Variants in MAML3 observed in about 807,000 individuals in gnomAD.
MAML3 encodes the protein mastermind like transcriptional coactivator 3.
MAML3 carries 27 observed loss-of-function variants against 101.9 expected under a neutral mutation model. The observed-to-expected ratio is 0.27, with a 90% CI of 0.20 to 0.37. The LOEUF is 0.37. MAML3 is among the 10% of genes least tolerant of loss of function. The pLI is 1.00. For synonymous variants in MAML3, 501 were observed against 555.9 expected, an observed-to-expected ratio of 0.90 and a Z score of 1.39; for missense variants, 1,316 against 1,444.9, an observed-to-expected ratio of 0.91 and a Z score of 1.45.
intron 2 of MAML3, chr4:139,888,642 A>G (rs766559208): frequency 1.9e-6 from 1 of 518,838 alleles, no homozygotes; most frequent in South Asian, 1.4e-5. Context: ...CCTCCCATGA[A>G]GGAGGACAGT....
intron 2 of MAML3, among the ~76,000 whole-genome samples, chr4:139,837,340 C>CA (rs1013975666): frequency 3.1e-4 from 46 of 150,732 alleles, no homozygotes; most frequent in African/African-American, 1.1e-3. Flanking sequence ...ACTAAAAATA[C>CA]AAAAAAAATT....
At chr4:139,962,231 A>G (rs1452344549) in intron 1 of MAML3, among the ~76,000 whole-genome samples, 6 of 152,152 alleles carry the variant, frequency 3.9e-5, no homozygotes, top group Non-Finnish European at 5.9e-5. Context: ...TCAACTCATC[A>G]TATCAGTGGG....
At chr4:140,146,262 T>C (rs534403638) in intron 1 of MAML3, among the ~76,000 whole-genome samples, 44 of 152,314 alleles carry the variant, frequency 2.9e-4, no homozygotes, top group Middle Eastern at 3.4e-3. Context: ...CATGCGTGCA[T>C]GCGGCCCTCA....
chr4:140,035,252 G>A (rs1369724908), intron 1 of MAML3, among the ~76,000 whole-genome samples: 6 of 152,128 alleles, frequency 3.9e-5, no homozygotes, highest in Non-Finnish European at 5.9e-5. Flanking sequence ...GGGATTAGAA[G>A]TATGAGCCAC....
In MAML3 at chr4:139,952,152, C is replaced by T. The variant is rs145518756; in HGVS notation, c.469-61185G>A. 2.4e-4 allele frequency among the ~76,000 whole-genome samples: 37 copies of T among 151,966 alleles called. No homozygotes were observed. In the East Asian group the frequency reaches 6.8e-3, roughly 28 times the overall value. Reference sequence around the variant, plus strand: ...TGCACTCCAGCCTAAGGGACAAAAGCGAAACTCCATCTCAAAAGACAAACA... The same window carrying T: ...TGCACTCCAGCCTAAGGGACAAAAGTGAAACTCCATCTCAAAAGACAAACA... On this transcript the variant is annotated intron_variant, in intron 1 of 4. Coordinates refer to ENST00000509479, the MANE Select transcript of MAML3 (RefSeq NM_018717.5).
chr4:139,828,674 G>A, intron 2 of MAML3, among the ~76,000 whole-genome samples: 1 of 148,086 alleles, frequency 6.8e-6, no homozygotes, highest in Admixed American at 6.7e-5. Flanking sequence ...GACGAAGGTT[G>A]AAAATGGGCA....
chr4:140,087,126 T>C (rs1727966399), intron 1 of MAML3, among the ~76,000 whole-genome samples: 1 of 152,180 alleles, frequency 6.6e-6, no homozygotes, highest in African/African-American at 2.4e-5. Flanking sequence ...TGCCATTGCA[T>C]TCCAGCTTGG....
chr4:140,105,859 T>C (rs528228415), intron 1 of MAML3, among the ~76,000 whole-genome samples: 34 of 152,062 alleles, frequency 2.2e-4, no homozygotes, highest in African/African-American at 8.2e-4. Flanking sequence ...CCTGATGAAA[T>C]AACTAGGAGA....
intron 2 of MAML3, among the ~76,000 whole-genome samples, chr4:139,814,077 G>C (rs1270639733): frequency 1.4e-5 from 2 of 142,480 alleles, no homozygotes; most frequent in Non-Finnish European, 1.6e-5. Flanking sequence ...TTCACCAAAA[G>C]TTGTGATATA....
At chr4:139,964,001 T>A (rs924865553) in intron 1 of MAML3, among the ~76,000 whole-genome samples, 1 of 152,158 alleles carries the variant, frequency 6.6e-6, no homozygotes, top group African/African-American at 2.4e-5. Flanking sequence ...TGACTTTGAA[T>A]AACTGAAAAA....
intron 1 of MAML3, among the ~76,000 whole-genome samples, chr4:139,939,566 G>C (rs1393526675): frequency 6.6e-6 from 1 of 152,082 alleles, no homozygotes; most frequent in African/African-American, 2.4e-5. Context: ...GGGGGTCTTT[G>C]CTGTTAAAAT....
In MAML3 at chr4:139,944,268, C is replaced by T. The variant is rs529718758; in HGVS notation, c.469-53301G>A. 1.2e-3 allele frequency among the ~76,000 whole-genome samples: 177 copies of T among 151,980 alleles called. 1 individual carries two copies. The highest frequency in any genetic ancestry group is 2.0e-3 in the Non-Finnish European group (137 of 67,964). On this transcript the variant is annotated intron_variant, in intron 1 of 4. Coordinates refer to ENST00000509479, the MANE Select transcript of MAML3 (RefSeq NM_018717.5). ...TATGTATACATGTGCCATGCTGGTG[C>T]GCTGCACCCACTAACTCGTCATCTA...
chr4:139,731,830 C>T (rs1728739543), intron 2 of MAML3, among the ~76,000 whole-genome samples: 1 of 152,188 alleles, frequency 6.6e-6, no homozygotes, highest in South Asian at 2.1e-4. Flanking sequence ...AGTTTATGCT[C>T]TGAGCTGGAC....
chr4:139,956,292 G>T (rs1578615964), intron 1 of MAML3, among the ~76,000 whole-genome samples: 2 of 152,308 alleles, frequency 1.3e-5, no homozygotes, highest in African/African-American at 4.8e-5. Flanking sequence ...TTATTGCTGT[G>T]GATGTAGCTG....
intron 2 of MAML3, among the ~76,000 whole-genome samples, chr4:139,774,976 C>T (rs932012): frequency 0.31 from 47,255 of 151,960 alleles, 8,139 homozygotes; most frequent in East Asian, 0.72. Flanking sequence ...AAACTCTCTC[C>T]GGGGAAAGAC....
Position 140,023,337 on chromosome 4 carries a change from C to T in MAML3, c.468+129523G>A, listed in dbSNP as rs1180039350. Among the ~76,000 whole-genome samples, 7 of 152,328 alleles carry T rather than the reference C, an allele frequency of 4.6e-5. No individual in the cohort carries two copies. The East Asian group carries it at 1.4e-3, about 29-fold the overall frequency. On this transcript the variant is annotated intron_variant, in intron 1 of 4. Transcript: ENST00000509479. ...TCTAAGGGTATTTTCAACCCATGTG[C>T]TTCCATGGCCATCATCAATGCGCAT...
At chr4:139,773,409 T>C (rs1274234853) in intron 2 of MAML3, among the ~76,000 whole-genome samples, 15 of 152,194 alleles carry the variant, frequency 9.9e-5, no homozygotes, top group Non-Finnish European at 1.6e-4. Flanking sequence ...TATCACTAAA[T>C]GCCCAGGGAA....
At chr4:139,951,835 G>A (rs1171876232) in intron 1 of MAML3, among the ~76,000 whole-genome samples, 2 of 151,998 alleles carry the variant, frequency 1.3e-5, no homozygotes, top group East Asian at 3.9e-4. Context: ...GGGCCAAGGG[G>A]TGAAGAAGGA....
At chr4:140,051,506 G>A (rs142894449) in intron 1 of MAML3, among the ~76,000 whole-genome samples, 71 of 150,566 alleles carry the variant, frequency 4.7e-4, no homozygotes, top group African/African-American at 6.1e-4. Context: ...GCAGTGAGCC[G>A]AAATCGAGCT....
Sources: gnomAD v4.1 joint callset for allele counts (sites outside exome capture counted in the v4.1 genomes callset) on GRCh38, gnomAD v4.1.1 for gene constraint, MANE v1.5 for transcripts, NCBI Gene and HGNC (gene_info 2026-07-23, HGNC 2026-07-21) for gene names.